BMPR1B: variants seen among roughly 807,000 people sequenced by gnomAD.
BMPR1B encodes bone morphogenetic protein receptor type 1B.
In BMPR1B, 12 loss-of-function variants were observed where a neutral mutation model predicts 59.1. The observed-to-expected ratio is 0.20, with a 90% CI of 0.13 to 0.33. The LOEUF is 0.33. BMPR1B is among the 10% of genes least tolerant of loss of function. The pLI is 1.00. For synonymous variants in BMPR1B, 237 were observed against 207.3 expected (o/e 1.14, Z -1.23); for missense variants, 550 against 610.9 (o/e 0.90, Z 1.05).
At chr4:94,897,553 T>C (rs1279930249) in intron 2 of BMPR1B, among the ~76,000 whole-genome samples, 2 of 152,104 alleles carry the variant, frequency 1.3e-5, no homozygotes, top group Non-Finnish European at 2.9e-5. Flanking sequence ...AGCTATAATC[T>C]TACATATTTC....
chr4:95,072,561 AC>A (rs1196835406), intron 3 of BMPR1B, among the ~76,000 whole-genome samples: 1 of 152,158 alleles, frequency 6.6e-6, no homozygotes, highest in Non-Finnish European at 1.5e-5. Context: ...AATGAGGAAA[AC>A]TACAAGTCTT....
intron 4 of BMPR1B, among the ~76,000 whole-genome samples, chr4:95,110,163 A>G (rs1731527960): frequency 6.6e-6 from 1 of 151,930 alleles, no homozygotes; most frequent in Admixed American, 6.6e-5. Flanking sequence ...TGTAGGATTT[A>G]TCAGGCTTGC....
chr4:95,026,098 ATTTCTTTCTTTCTTTC>A (rs70946580), intron 3 of BMPR1B, among the ~76,000 whole-genome samples: 30 of 101,716 alleles, frequency 2.9e-4, no homozygotes, highest in African/African-American at 8.7e-4. Flanking sequence ...GCTTTCTTTC[ATTTCTTTCTTTCTTTC>A]TTTCTTTCTT....
intron 4 of BMPR1B, among the ~76,000 whole-genome samples, chr4:95,113,670 C>T (rs1731795338): frequency 6.6e-6 from 1 of 152,094 alleles, no homozygotes; most frequent in Non-Finnish European, 1.5e-5. Flanking sequence ...ATTCATCACC[C>T]AAAGTTGTGA....
chr4:95,158,211 C>T lies in BMPR1B; in HGVS notation c.*3538C>T, dbSNP rs1735546571. On this transcript the variant is annotated 3_prime_UTR_variant, in exon 13 of 13. Coordinates refer to ENST00000515059, the MANE Select transcript of BMPR1B (RefSeq NM_001203.3). ...TTGTGATTCCTCTTGTAAAACAAAA[C>T]AAAAAAACAATGCCATATTTTTTGG... 6.6e-6 allele frequency: 1 copy of T among 152,034 alleles called. No homozygotes were observed. 9.4% of individuals were successfully genotyped at this position (152,034 alleles called of 1,614,324 possible).
intron 3 of BMPR1B, among the ~76,000 whole-genome samples, chr4:95,088,461 C>T (rs971047596): frequency 4.6e-5 from 7 of 151,986 alleles, no homozygotes; most frequent in Non-Finnish European, 1.0e-4. Context: ...TTAGCATGCT[C>T]AAAAGTGCCA....
Position 94,794,769 on chromosome 4 carries a change from G to C in BMPR1B, c.-183+36701G>C, listed in dbSNP as rs375806086. ...AAATTGGATTCCTAGGTATTTTATT[G>C]TCTTTGAAGCAATTGTGAATGGGAG... On this transcript the variant is annotated intron_variant, in intron 1 of 12. Coordinates refer to ENST00000515059, the MANE Select transcript of BMPR1B (RefSeq NM_001203.3). 7.5e-3 allele frequency among the ~76,000 whole-genome samples: 1,133 copies of C among 151,472 alleles called. 13 individuals are homozygous for C. Among genetic ancestry groups the C allele is most frequent in the African/African-American group, 0.026 (1,083 of 41,052 alleles).
chr4:94,907,968 T>C (rs1329288710), intron 2 of BMPR1B, among the ~76,000 whole-genome samples: 1 of 149,076 alleles, frequency 6.7e-6, no homozygotes, highest in African/African-American at 2.5e-5. Context: ...GAGCATTGCT[T>C]GAGGCCAGAA....
At chr4:95,143,444 CTT>C (rs753207493) in intron 10 of BMPR1B, among the ~76,000 whole-genome samples, 49 of 152,202 alleles carry the variant, frequency 3.2e-4, no homozygotes, top group Non-Finnish European at 5.7e-4. Flanking sequence ...TTTTAATTTT[CTT>C]GTCTCTCTCT....
chr4:94,851,950 A>C (rs1265028726), intron 1 of BMPR1B, among the ~76,000 whole-genome samples: 1 of 152,180 alleles, frequency 6.6e-6, no homozygotes, highest in Non-Finnish European at 1.5e-5. Context: ...ATGTAGGCTC[A>C]TAGTGTGTTA....
intron 2 of BMPR1B, among the ~76,000 whole-genome samples, chr4:94,876,487 C>G (rs1029062329): frequency 3.9e-5 from 6 of 152,174 alleles, no homozygotes; most frequent in African/African-American, 1.4e-4. Context: ...CTACAGTGTT[C>G]AAATGCTATT....
chr4:94,892,090 G>A (rs905910326), intron 2 of BMPR1B, among the ~76,000 whole-genome samples: 1 of 152,016 alleles, frequency 6.6e-6, no homozygotes, highest in African/African-American at 2.4e-5. Context: ...ACATAAACTC[G>A]TAATTGCTCG....
intron 2 of BMPR1B, among the ~76,000 whole-genome samples, chr4:94,879,353 T>C (rs868158717): frequency 3.9e-5 from 6 of 152,214 alleles, no homozygotes; most frequent in Middle Eastern, 3.2e-3. Flanking sequence ...TTACATTTGA[T>C]TCTTTGGGAG....
rs181930964 is a variant in BMPR1B at position 95,157,169 on chromosome 4, G to A, written c.*2496G>A. 3.9e-5 allele frequency: 6 copies of A among 152,062 alleles called. No homozygotes were observed. The East Asian group carries it at 1.2e-3, about 29-fold the overall frequency. 9.4% of individuals were successfully genotyped at this position (152,062 alleles called of 1,614,324 possible). A position where few individuals can be genotyped will look rare whatever the true frequency, so the allele number is the denominator to read the frequency against. ...CTTCCTTATTATATTTGGTTGCTTT[G>A]GAAAAGATTGGTCCTATCCTCAATC... is the stretch of plus-strand genomic sequence containing the variant. On this transcript the variant is annotated 3_prime_UTR_variant, in exon 13 of 13. Transcript: ENST00000515059.
chr4:95,059,047 C>T (rs956898554), intron 3 of BMPR1B, among the ~76,000 whole-genome samples: 1 of 152,146 alleles, frequency 6.6e-6, no homozygotes, highest in South Asian at 2.1e-4. Flanking sequence ...CTGTATTTAT[C>T]CATGAAATAA....
chr4:94,990,662 T>C (rs1721675960), intron 2 of BMPR1B, among the ~76,000 whole-genome samples: 1 of 145,300 alleles, frequency 6.9e-6, no homozygotes, highest in Admixed American at 7.2e-5. Flanking sequence ...TCAACCTCTA[T>C]GCTGGAATGA....
At chr4:95,118,298 C>G (rs1346477382) in intron 6 of BMPR1B, among the ~76,000 whole-genome samples, 1 of 151,732 alleles carries the variant, frequency 6.6e-6, no homozygotes, top group African/African-American at 2.4e-5. Context: ...TTTTACATAG[C>G]TATACCACAG....
chr4:95,025,121 A>G (rs1161148801), intron 3 of BMPR1B, among the ~76,000 whole-genome samples: 2 of 152,084 alleles, frequency 1.3e-5, no homozygotes, highest in African/African-American at 4.8e-5. Context: ...AGAAGTAAGT[A>G]TAGGGACCGT....
chr4:94,783,990 A>G (rs7693510), intron 1 of BMPR1B, among the ~76,000 whole-genome samples: 24 of 152,086 alleles, frequency 1.6e-4, no homozygotes, highest in African/African-American at 5.6e-4. Context: ...GAAGGAGGGG[A>G]TATGTTATGC....
Sources: gnomAD v4.1 joint callset for allele counts (sites outside exome capture counted in the v4.1 genomes callset) on GRCh38, gnomAD v4.1.1 for gene constraint, MANE v1.5 for transcripts, NCBI Gene and HGNC (gene_info 2026-07-23, HGNC 2026-07-21) for gene names.